TMEM131: variants seen among roughly 807,000 people sequenced by gnomAD.
The protein encoded by TMEM131 is 2610524E03Rik.
In TMEM131, 66 loss-of-function variants were observed where a neutral mutation model predicts 211.6. The observed-to-expected ratio is 0.31, with a 90% CI of 0.26 to 0.38. The LOEUF (loss-of-function observed/expected upper bound fraction) is 0.38, where lower values mean the gene tolerates loss of function less well. Ranked by LOEUF, TMEM131 falls within the 10% of genes least tolerant of loss-of-function variation. The probability of loss-of-function intolerance (pLI) is 1.00; values close to 1 mark genes in which losing one functional copy is unlikely to be tolerated. For missense variants in TMEM131, 2,036 were observed against 2,299.3 expected (o/e 0.89, Z 2.34); for synonymous variants, 844 against 841.3 (o/e 1.00, Z -0.06).
intron 3 of TMEM131, among the ~76,000 whole-genome samples, chr2:97,891,269 T>G (rs1020038745): frequency 1.3e-5 from 2 of 152,170 alleles, no homozygotes. Flanking sequence ...ATTATTATTA[T>G]TACTATTTTT....
At chr2:97,995,298 G>A (rs1680445953) in intron 1 of TMEM131, among the ~76,000 whole-genome samples, 178 bp downstream of exon 1, 1 of 152,218 alleles carries the variant, frequency 6.6e-6, no homozygotes, top group African/African-American at 2.4e-5. Context: ...AGGAATCACG[G>A]AGAGCGAAGG....
At chr2:97,943,045 G>GAAAAGAAAAGAAAAGAAAAGA (rs767704233) in intron 1 of TMEM131, among the ~76,000 whole-genome samples, 1 of 52,638 alleles carries the variant, frequency 1.9e-5, no homozygotes, top group South Asian at 4.4e-4. Context: ...AGAAAAGAAA[G>GAAAAGAAAAGAAAAGAAAAGA]AAAGAAAGAA....
At chr2:97,890,438 G>A in intron 3 of TMEM131, among the ~76,000 whole-genome samples, 1 of 152,214 alleles carries the variant, frequency 6.6e-6, no homozygotes, top group Admixed American at 6.5e-5. Flanking sequence ...AGGGATCAAG[G>A]ATAACTCATT....
rs149767328 is a variant in TMEM131 at position 97,918,538 on chromosome 2, T to C, written c.249+8888A>G. Among the ~76,000 whole-genome samples, 239 of 151,284 alleles carry C rather than the reference T, an allele frequency of 1.6e-3. 1 individual carries two copies. The highest frequency in any genetic ancestry group is 5.5e-3 in the African/African-American group (225 of 41,222). ...TGAATGTTAAATGACACCAAGAGGA[T>C]GAAAATAACCAAACTGAGAATGTAG... On this transcript the variant is annotated intron_variant, in intron 2 of 40. Coordinates refer to ENST00000186436, the MANE Select transcript of TMEM131 (RefSeq NM_015348.2).
At chr2:97,794,179 G>A (rs1470784603) in intron 29 of TMEM131, among the ~76,000 whole-genome samples, 1 of 151,624 alleles carries the variant, frequency 6.6e-6, no homozygotes, top group Non-Finnish European at 1.5e-5. Context: ...GGATTATAGG[G>A]ATGCATCACC....
In TMEM131 at chr2:97,756,568, G is replaced by GTAAT. The variant is rs1356708307; in HGVS notation, c.*527_*530dup. 6.6e-6 allele frequency: 1 copy of GTAAT among 152,232 alleles called. No homozygotes were observed. The highest frequency in any genetic ancestry group is 2.4e-5 in the African/African-American group (1 of 41,436). The allele number at this position is 152,232 out of a possible 1,614,324, so 9.4% of individuals were successfully genotyped here. On this transcript the variant is annotated 3_prime_UTR_variant, in exon 41 of 41. Coordinates refer to ENST00000186436, the MANE Select transcript of TMEM131 (RefSeq NM_015348.2). ...CGTTCTTAAGTTGACTTACATTTCT[G>GTAAT]TAATCTGCTTTTAAACCAAGACAGC...
At chr2:97,786,223 T>C (rs935010454) in intron 31 of TMEM131, among the ~76,000 whole-genome samples, 4 of 152,140 alleles carry the variant, frequency 2.6e-5, no homozygotes, top group African/African-American at 9.7e-5. Flanking sequence ...CACGTGAATC[T>C]ACAAGCATCT....
chr2:97,791,010 A>T (rs907377626), intron 31 of TMEM131, among the ~76,000 whole-genome samples: 3 of 152,190 alleles, frequency 2.0e-5, no homozygotes, highest in African/African-American at 7.2e-5. Flanking sequence ...TGTTTTCCGT[A>T]TAAATTGAAG....
chr2:97,927,902 T>C (rs1214259834), intron 1 of TMEM131, among the ~76,000 whole-genome samples: 1 of 152,154 alleles, frequency 6.6e-6, no homozygotes, highest in Non-Finnish European at 1.5e-5. Flanking sequence ...ATCTGCTTTT[T>C]TGTAGTGATG....
intron 19 of TMEM131, among the ~76,000 whole-genome samples, chr2:97,806,139 AT>A (rs954619507): frequency 3.9e-5 from 6 of 152,150 alleles, no homozygotes; most frequent in South Asian, 4.1e-4. Context: ...CAAAATCACA[AT>A]TTTTTTTAAA....
chr2:97,939,275 C>A (rs1677600376), intron 1 of TMEM131, among the ~76,000 whole-genome samples: 1 of 152,096 alleles, frequency 6.6e-6, no homozygotes, highest in South Asian at 2.1e-4. Flanking sequence ...AATTGATAGA[C>A]CTCTAGCAAG....
rs551001697 is a variant in TMEM131, at chr2:97,887,881, T to C, written c.359+171A>G. ...TTAATATTACATGTTAGACTCCTAA[T>C]AGATACTTACTTCCCATTTTCAAAC... On this transcript the variant is annotated intron_variant, in intron 4 of 40. Coordinates refer to ENST00000186436, the MANE Select transcript of TMEM131 (RefSeq NM_015348.2). 89 of 561,862 alleles carry C rather than the reference T, an allele frequency of 1.6e-4. No homozygotes were observed. The South Asian group carries it at 2.0e-3, about 12-fold the overall frequency. 34.8% of individuals were successfully genotyped at this position (561,862 alleles called of 1,614,324 possible). A position where few individuals can be genotyped will look rare whatever the true frequency, so the allele number is the denominator to read the frequency against.
At chr2:97,980,885 AC>A (rs1679757830) in intron 1 of TMEM131, among the ~76,000 whole-genome samples, 1 of 151,996 alleles carries the variant, frequency 6.6e-6, no homozygotes, top group Admixed American at 6.6e-5. Flanking sequence ...GTGACACATA[AC>A]AGATCAGTGG....
chr2:97,801,967 AC>A lies in TMEM131; in HGVS notation c.2652-7del. ...CCACCTTACTCAAGTTAAACCTAAA[AC>A]AAAAAATGTACACATATTTATTCAT... On this transcript the variant is annotated splice_polypyrimidine_tract_variant and splice_region_variant and intron_variant, in intron 24 of 40. Coordinates refer to ENST00000186436, the MANE Select transcript of TMEM131 (RefSeq NM_015348.2). 1.3e-6 allele frequency: 2 copies of A among 1,597,262 alleles called. No homozygotes were observed. The highest frequency in any genetic ancestry group is 1.7e-6 in the Non-Finnish European group (2 of 1,167,776).
chr2:97,826,990 C>T (rs1250041740), intron 11 of TMEM131, among the ~76,000 whole-genome samples: 1 of 150,544 alleles, frequency 6.6e-6, no homozygotes, highest in Non-Finnish European at 1.5e-5. Context: ...GAGGAACTCC[C>T]TTCAGGACAG....
intron 11 of TMEM131, among the ~76,000 whole-genome samples, chr2:97,821,175 C>T (rs759404413): frequency 6.6e-6 from 1 of 152,132 alleles, no homozygotes; most frequent in African/African-American, 2.4e-5. Flanking sequence ...TGTAAACACA[C>T]CAATCAGTGC....
At chr2:97,793,368 G>A (rs1462244360) in intron 30 of TMEM131, 27 bp downstream of exon 30, 3 of 1,593,372 alleles carry the variant, frequency 1.9e-6, no homozygotes, top group Admixed American at 3.4e-5. Flanking sequence ...GTACACTAGG[G>A]AATTTATTGC....
chr2:97,815,303 C>T lies in TMEM131; in HGVS notation c.1188G>A (p.Ser396=), dbSNP rs774031545. Residue 396 remains serine (S), a synonymous_variant, in exon 13 of 41, where the codon TCG becomes TCA. Coordinates refer to ENST00000186436, the MANE Select transcript of TMEM131 (RefSeq NM_015348.2). ...TKVASISFDA[S]KAKKPSQFSG... ...AAAACTGAGATGGCTTTTTTGCCTTCGATGCTGAAAGGAAGCATAAAAAAT... is the reference window on the plus strand; with the variant it reads ...AAAACTGAGATGGCTTTTTTGCCTTTGATGCTGAAAGGAAGCATAAAAAAT... 1.8e-5 allele frequency: 28 copies of T among 1,553,610 alleles called. No homozygotes were observed. The highest frequency in any genetic ancestry group is 1.0e-4 in the South Asian group (8 of 79,824).
intron 1 of TMEM131, among the ~76,000 whole-genome samples, chr2:97,954,851 A>G (rs1442652796): frequency 6.6e-6 from 1 of 150,770 alleles, no homozygotes; most frequent in Non-Finnish European, 1.5e-5. Context: ...AAAGATCTCC[A>G]AAAAAGAAAT....
Sources: allele counts gnomAD v4.1 joint callset (sites outside exome capture counted in the v4.1 genomes callset), GRCh38; gene constraint gnomAD v4.1.1; transcripts MANE v1.5; gene names NCBI Gene and HGNC (gene_info 2026-07-23, HGNC 2026-07-21).